The following ADGRD1 variants were observed in gnomAD, a reference collection of about 807,000 sequenced individuals.
ADGRD1 encodes the protein G-protein coupled receptor 133.
ADGRD1 carries 77 observed loss-of-function variants against 113.4 expected under a neutral mutation model. That is an observed-to-expected ratio of 0.68 (90% CI 0.57 to 0.82). ADGRD1 has a LOEUF of 0.82. ADGRD1 is among the 40% of genes least tolerant of loss of function. The probability of loss-of-function intolerance (pLI) is 0.00; values close to 1 mark genes in which losing one functional copy is unlikely to be tolerated. For synonymous variants in ADGRD1, 474 were observed against 475.0 expected (o/e 1.00, Z 0.03); for missense variants, 1,036 against 1,139.1 (o/e 0.91, Z 1.30).
At chr12:130,997,087 G>A (rs1875572830) in intron 8 of ADGRD1, among the ~76,000 whole-genome samples, 1 of 132,092 alleles carries the variant, frequency 7.6e-6, no homozygotes, top group African/African-American at 2.8e-5. Flanking sequence ...GGGGCGGCCG[G>A]GCAGAGGCAC....
chr12:130,998,960 T>A (rs1387286975), intron 8 of ADGRD1, among the ~76,000 whole-genome samples: 1 of 152,248 alleles, frequency 6.6e-6, no homozygotes, highest in Non-Finnish European at 1.5e-5. Context: ...AAAAGGGAAA[T>A]ATCTAATTAG....
chr12:131,130,920 C>T (rs1487028598), intron 20 of ADGRD1, among the ~76,000 whole-genome samples: 1 of 152,206 alleles, frequency 6.6e-6, no homozygotes, highest in African/African-American at 2.4e-5. Context: ...CCTGAAAGTT[C>T]GAGCCTGAGA....
Position 131,038,941 on chromosome 12 carries a change from G to C in ADGRD1, c.1473+24601G>C, listed in dbSNP as rs530876143. Among the ~76,000 whole-genome samples, 163 of 152,234 alleles carry C rather than the reference G, an allele frequency of 1.1e-3. 1 individual carries two copies. Among genetic ancestry groups the C allele is most frequent in the Non-Finnish European group, 1.4e-3 (98 of 68,030 alleles). ...GGGGCAGATGGAGCAGGGTGGTTACGGCCTCGAGTGGAGGAGGGAGCAAGG... is the reference window on the plus strand; with the variant it reads ...GGGGCAGATGGAGCAGGGTGGTTACCGCCTCGAGTGGAGGAGGGAGCAAGG... On this transcript the variant is annotated intron_variant, in intron 13 of 24. Transcript: ENST00000261654.
intron 13 of ADGRD1, among the ~76,000 whole-genome samples, chr12:131,065,277 C>A (rs772744848): frequency 2.0e-5 from 3 of 152,182 alleles, no homozygotes; most frequent in Non-Finnish European, 4.4e-5. Context: ...AAGCGATTGA[C>A]CAGAGTGAAA....
intron 8 of ADGRD1, among the ~76,000 whole-genome samples, chr12:130,996,673 C>CA (rs1875440311): frequency 9.8e-6 from 1 of 101,544 alleles, no homozygotes; most frequent in Non-Finnish European, 2.2e-5. Context: ...CCCCCCACCT[C>CA]CCTCCCAGAC....
At chr12:131,098,858 C>G (rs1469381465) in intron 15 of ADGRD1, among the ~76,000 whole-genome samples, 1 of 152,258 alleles carries the variant, frequency 6.6e-6, no homozygotes, top group African/African-American at 2.4e-5. Context: ...GTGCTGAATA[C>G]ATGCTTGCTG....
At position 131,050,300 on chromosome 12, in the gene ADGRD1, C is replaced by T. The variant is rs1232609448; in HGVS notation, c.1474-26501C>T. Among the ~76,000 whole-genome samples the T allele has an allele frequency of 6.6e-6, 1 of 152,090 alleles. No homozygotes were observed. Among genetic ancestry groups the T allele is most frequent in the African/African-American group, 2.4e-5 (1 of 41,402 alleles). On this transcript the variant is annotated intron_variant, in intron 13 of 24. Transcript: ENST00000261654. This position sits in a 1 kb window ranked among gnomAD's most constrained non-coding sequence, Gnocchi z 4.8. ...TAGCCAGGAAGTGCTGTTAGTTGGG[C>T]AGGCCAAGTACTCTGGAGTTGCTGG...
Position 131,000,458 on chromosome 12 carries a change from A to G in ADGRD1, c.1026+16A>G, listed in dbSNP as rs763478552. Reference sequence around the variant, plus strand: ...TCTGTCAGAGGTAAGAGAAAAGAACATGGTCGGTCATGGTGGCTCATACCT... The same window carrying G: ...TCTGTCAGAGGTAAGAGAAAAGAACGTGGTCGGTCATGGTGGCTCATACCT... On this transcript the variant is annotated intron_variant, in intron 9 of 24. Transcript: ENST00000261654. 6 of 1,598,842 alleles carry G rather than the reference A, an allele frequency of 3.8e-6. No individual in the cohort carries two copies. In the East Asian group the frequency reaches 8.9e-5, roughly 24 times the overall value.
chr12:131,074,083 T>G (rs1885391250), intron 13 of ADGRD1, among the ~76,000 whole-genome samples: 1 of 152,216 alleles, frequency 6.6e-6, no homozygotes, highest in Non-Finnish European at 1.5e-5. Context: ...ATTTTTTTCT[T>G]CTCTCTGCAT....
rs371135988 is a variant in ADGRD1 at position 131,138,180 on chromosome 12, C to T, written c.2480C>T (p.Thr827Met). 4.8e-5 allele frequency: 78 copies of T among 1,613,622 alleles called. No homozygotes were observed. The highest frequency in any genetic ancestry group is 5.9e-5 in the Non-Finnish European group (70 of 1,179,998). Reference sequence around the variant, plus strand: ...CACAAAACCAAGGTCTGGTCGCTCACGAGCAGCTCTGCCCGCACCTCCAAC... The same window carrying T: ...CACAAAACCAAGGTCTGGTCGCTCATGAGCAGCTCTGCCCGCACCTCCAAC... Reference protein sequence around the residue: ...FKHKTKVWSLTSSSARTSNAK... With the variant: ...FKHKTKVWSLMSSSARTSNAK... Residue 827 changes from threonine (T) to methionine (M), a missense_variant, in exon 24 of 25, where the codon ACG becomes ATG. Coordinates refer to ENST00000261654, the MANE Select transcript of ADGRD1 (RefSeq NM_198827.5).
chr12:131,068,452 C>T (rs886792192), intron 13 of ADGRD1, among the ~76,000 whole-genome samples: 3 of 152,176 alleles, frequency 2.0e-5, no homozygotes, highest in Non-Finnish European at 4.4e-5. Context: ...GTGGGATGAG[C>T]TTGGCCACTC....
intron 5 of ADGRD1, among the ~76,000 whole-genome samples, chr12:130,983,083 C>G (rs1873214849): frequency 6.6e-6 from 1 of 152,202 alleles, no homozygotes; most frequent in African/African-American, 2.4e-5. Context: ...AATCCCGCCT[C>G]TGGACGTTGG....
At chr12:131,098,255 A>G (rs186589880) in intron 15 of ADGRD1, among the ~76,000 whole-genome samples, 268 of 55,010 alleles carry the variant, frequency 4.9e-3, no homozygotes, top group Middle Eastern at 0.037. Flanking sequence ...CCCAAGTCCA[A>G]TCCCGAGCGG....
chr12:131,036,296 G>C (rs1337162712), intron 13 of ADGRD1, among the ~76,000 whole-genome samples: 1 of 149,460 alleles, frequency 6.7e-6, no homozygotes, highest in Non-Finnish European at 1.5e-5. Flanking sequence ...ACTGCACTGG[G>C]CCTCACTCAC....
chr12:131,000,767 AG>A, intron 9 of ADGRD1, among the ~76,000 whole-genome samples: 5 of 130,288 alleles, frequency 3.8e-5, no homozygotes, highest in African/African-American at 8.6e-5. Context: ...AAAAAAAAAG[AG>A]AGAGAGAGAA....
At chr12:130,986,725 G>A (rs945435174) in intron 5 of ADGRD1, 6 of 221,902 alleles carry the variant, frequency 2.7e-5, no homozygotes, top group Admixed American at 5.2e-5. Context: ...TCCTTGTCTC[G>A]CTCCTGACCA....
chr12:130,992,597 A>G (rs1168355928), intron 8 of ADGRD1: 1 of 472,240 alleles, frequency 2.1e-6, no homozygotes, highest in East Asian at 3.3e-5. Flanking sequence ...CTTTATGGGC[A>G]CTTGAGTCTT....
intron 8 of ADGRD1, among the ~76,000 whole-genome samples, chr12:130,995,944 C>G (rs1044741865): frequency 6.6e-6 from 1 of 151,878 alleles, no homozygotes; most frequent in African/African-American, 2.4e-5. Context: ...GTGTTTGTGT[C>G]CCTGATTACT....
At position 131,136,094 on chromosome 12, in the gene ADGRD1, T is replaced by C; in HGVS notation, c.2325T>C (p.Phe775=). Reference sequence around the variant, plus strand: ...CCATCCTGGGTACCTCGTGGGTCTTTGGCGTGCTTGCTGTCAACGGTTGTG... The same window carrying C: ...CCATCCTGGGTACCTCGTGGGTCTTCGGCGTGCTTGCTGTCAACGGTTGTG... ...LLPILGTSWV[F]GVLAVNGCAV... Residue 775 remains phenylalanine, a synonymous_variant, in exon 22 of 25, where the codon TTT becomes TTC. Coordinates refer to ENST00000261654, the MANE Select transcript of ADGRD1 (RefSeq NM_198827.5). 1.9e-6 allele frequency: 3 copies of C among 1,614,230 alleles called. No individual in the cohort carries two copies. The highest frequency in any genetic ancestry group is 2.5e-6 in the Non-Finnish European group (3 of 1,180,036).
Sources: gnomAD v4.1 joint callset for allele counts (sites outside exome capture counted in the v4.1 genomes callset) on GRCh38, gnomAD v4.1.1 for gene constraint, Gnocchi (gnomAD v3.1) non-coding constraint, MANE v1.5 for transcripts, NCBI Gene and HGNC (gene_info 2026-07-23, HGNC 2026-07-21) for gene names.